SCD5: variants seen among roughly 807,000 people sequenced by gnomAD.
The protein encoded by SCD5 is acyl-CoA-desaturase 4.
Under a neutral mutation model 30.4 loss-of-function variants are expected in SCD5, and 20 were observed. The observed-to-expected ratio is 0.66, with a 90% CI of 0.46 to 0.96. The LOEUF is 0.96. Ranked by LOEUF, SCD5 falls within the 40% of genes least tolerant of loss-of-function variation. The pLI is 0.00. For missense variants in SCD5, 381 were observed against 443.3 expected (o/e 0.86, Z 1.26); for synonymous variants, 173 against 176.4 (o/e 0.98, Z 0.16).
chr4:82,679,294 A>AAGAAAG (rs1728516895), intron 3 of SCD5, among the ~76,000 whole-genome samples: 2 of 148,970 alleles, frequency 1.3e-5, no homozygotes, highest in African/African-American at 5.0e-5. Context: ...GAAGGAAAGA[A>AAGAAAG]AGAAAGAAAA....
intron 1 of SCD5, among the ~76,000 whole-genome samples, chr4:82,717,053 C>T (rs936250829): frequency 2.0e-5 from 3 of 151,722 alleles, no homozygotes; most frequent in Admixed American, 2.0e-4. Flanking sequence ...ATATAAGGGA[C>T]TCAAGCATCT....
chr4:82,667,177 C>T (rs964891197), intron 3 of SCD5, among the ~76,000 whole-genome samples: 4 of 152,070 alleles, frequency 2.6e-5, no homozygotes, highest in African/African-American at 9.7e-5. Flanking sequence ...CAACTGTCTC[C>T]TCATCTTGCC....
At chr4:82,689,510 A>G (rs1435249814) in intron 2 of SCD5, among the ~76,000 whole-genome samples, 2 of 152,376 alleles carry the variant, frequency 1.3e-5, no homozygotes, top group East Asian at 3.9e-4. Flanking sequence ...AAAACAGTCC[A>G]TGGGCTATAA....
At chr4:82,728,997 A>C (rs1000079153) in intron 1 of SCD5, among the ~76,000 whole-genome samples, 1 of 152,138 alleles carries the variant, frequency 6.6e-6, no homozygotes, top group African/African-American at 2.4e-5. Flanking sequence ...CGATTTTTAA[A>C]AAGGAATGGG....
At chr4:82,749,599 A>C (rs530169606) in intron 1 of SCD5, among the ~76,000 whole-genome samples, 2 of 152,398 alleles carry the variant, frequency 1.3e-5, no homozygotes, top group South Asian at 4.1e-4. Flanking sequence ...TTTCCTTCTT[A>C]GAAACAGCTC....
At chr4:82,760,162 G>A (rs1721327971) in intron 1 of SCD5, among the ~76,000 whole-genome samples, 1 of 152,044 alleles carries the variant, frequency 6.6e-6, no homozygotes, top group South Asian at 2.1e-4. Context: ...CGCCTCCTTT[G>A]CTCTAAAACT....
chr4:82,675,214 T>A (rs1319161230), intron 3 of SCD5, among the ~76,000 whole-genome samples: 2 of 152,130 alleles, frequency 1.3e-5, no homozygotes, highest in Non-Finnish European at 2.9e-5. Context: ...AGGCTATGCA[T>A]GTGTGTGGGC....
At chr4:82,703,292 A>C (rs1719896088) in intron 2 of SCD5, among the ~76,000 whole-genome samples, 1 of 152,224 alleles carries the variant, frequency 6.6e-6, no homozygotes, top group Non-Finnish European at 1.5e-5. Context: ...TTATTTACCT[A>C]ACAATCATTA....
At chr4:82,663,676 G>C (rs1207835840) in intron 3 of SCD5, among the ~76,000 whole-genome samples, 3 of 152,206 alleles carry the variant, frequency 2.0e-5, no homozygotes, top group Non-Finnish European at 2.9e-5. Context: ...ATGTGTTTAA[G>C]CTGCTGGAGG....
Position 82,689,279 on chromosome 4 carries a change from G to C in SCD5, c.364-8367C>G, listed in dbSNP as rs114903569. 4.5e-3 allele frequency among the ~76,000 whole-genome samples: 685 copies of C among 152,268 alleles called. 3 individuals are homozygous for C. The highest frequency in any genetic ancestry group is 0.016 in the African/African-American group (668 of 41,544). On this transcript the variant is annotated intron_variant, in intron 2 of 4. Coordinates refer to ENST00000319540, the MANE Select transcript of SCD5 (RefSeq NM_001037582.3). ...TGGGGCATGTCGAAATGACAGAAGAGCCACGTGTGGTGGTGTGCATCTGTA... is the reference window on the plus strand; with the variant it reads ...TGGGGCATGTCGAAATGACAGAAGACCCACGTGTGGTGGTGTGCATCTGTA...
intron 3 of SCD5, among the ~76,000 whole-genome samples, chr4:82,641,233 G>A (rs72911256): frequency 0.049 from 5,279 of 108,814 alleles, 147 homozygotes; most frequent in Middle Eastern, 0.21. Context: ...CAGCCTAGGC[G>A]AAGAAGCAAA....
chr4:82,633,456 T>A (rs1311453024), intron 4 of SCD5, among the ~76,000 whole-genome samples: 1 of 152,224 alleles, frequency 6.6e-6, no homozygotes, highest in Non-Finnish European at 1.5e-5. Flanking sequence ...AGTATAGATA[T>A]CTCTTCAACA....
At chr4:82,769,274 G>C (rs1220148025) in intron 1 of SCD5, among the ~76,000 whole-genome samples, 1 of 152,180 alleles carries the variant, frequency 6.6e-6, no homozygotes, top group African/African-American at 2.4e-5. Context: ...AGTGGGGCTA[G>C]AGGAATCCCT....
In SCD5 at chr4:82,694,458, A is replaced by G. The variant is rs559187355; in HGVS notation, c.363+10825T>C. On this transcript the variant is annotated intron_variant, in intron 2 of 4. Transcript: ENST00000319540. The stretch of plus-strand genomic sequence containing the variant: ...TTCCACCTCCTGAGTTTTCCTCAGG[A>G]AAACTCTTGAGTATTTCAGTGAGGA... 1.2e-4 allele frequency among the ~76,000 whole-genome samples: 18 copies of G among 152,350 alleles called. No individual in the cohort carries two copies. In the East Asian group the frequency reaches 3.1e-3, roughly 26 times the overall value.
At chr4:82,795,049 T>C (rs1722180600) in intron 1 of SCD5, among the ~76,000 whole-genome samples, 2 of 151,952 alleles carry the variant, frequency 1.3e-5, no homozygotes, top group Non-Finnish European at 2.9e-5. Flanking sequence ...ACGAAAAGGA[T>C]AAAAAGGGAA....
At chr4:82,651,867 T>G (rs1305091167) in intron 3 of SCD5, among the ~76,000 whole-genome samples, 2 of 152,204 alleles carry the variant, frequency 1.3e-5, no homozygotes, top group African/African-American at 2.4e-5. Context: ...GAGCTGAGAT[T>G]GTGCCATTGC....
At chr4:82,795,735 T>C (rs1044361483) in intron 1 of SCD5, among the ~76,000 whole-genome samples, 4 of 146,596 alleles carry the variant, frequency 2.7e-5, no homozygotes, top group Non-Finnish European at 4.4e-5. Context: ...GGTGGGAGCA[T>C]TGCTTGAGCC....
intron 2 of SCD5, among the ~76,000 whole-genome samples, chr4:82,696,492 T>C (rs76907086): frequency 6.6e-6 from 1 of 152,214 alleles, no homozygotes. Flanking sequence ...TTTCATTTCG[T>C]ATCTTCATTA....
At chr4:82,786,597 C>T (rs1328500118) in intron 1 of SCD5, among the ~76,000 whole-genome samples, 1 of 151,866 alleles carries the variant, frequency 6.6e-6, no homozygotes, top group Admixed American at 6.6e-5. Context: ...TTCAGGAGTT[C>T]GAGACCAGCC....
Sources: allele counts gnomAD v4.1 joint callset (sites outside exome capture counted in the v4.1 genomes callset), GRCh38; gene constraint gnomAD v4.1.1; transcripts MANE v1.5; gene names NCBI Gene and HGNC (gene_info 2026-07-23, HGNC 2026-07-21).